The following RASAL2 variants were observed in gnomAD, a reference collection of about 807,000 sequenced individuals.
RASAL2 encodes the protein ras GTPase-activating protein nGAP.
RASAL2 carries 58 observed loss-of-function variants against 128.9 expected under a neutral mutation model. That is an observed-to-expected ratio of 0.45 (90% CI 0.36 to 0.56). RASAL2 has a LOEUF of 0.56. Ranked by LOEUF, RASAL2 falls within the 20% of genes least tolerant of loss-of-function variation. RASAL2 has a pLI of 0.00. For synonymous variants in RASAL2, 561 were observed against 580.8 expected, an observed-to-expected ratio of 0.97 and a Z score of 0.49; for missense variants, 1,360 against 1,601.6, an observed-to-expected ratio of 0.85 and a Z score of 2.57.
chr1:178,105,957 T>G (rs1027078061), intron 1 of RASAL2, among the ~76,000 whole-genome samples: 1 of 152,172 alleles, frequency 6.6e-6, no homozygotes, highest in Non-Finnish European at 1.5e-5. Flanking sequence ...ATTATAGGCA[T>G]GAGCTGCTGT....
At position 178,254,749 on chromosome 1, in the gene RASAL2, A is replaced by C. The variant is rs191849238; in HGVS notation, c.203-28815A>C. On this transcript the variant is annotated intron_variant, in intron 1 of 17. Transcript: ENST00000367649. Reference sequence around the variant, plus strand: ...AGGAGAGAGAGAAAGAAACAGAAAAATATTCAAAGAAACAGTAGCAGAGAA... The same window carrying C: ...AGGAGAGAGAGAAAGAAACAGAAAACTATTCAAAGAAACAGTAGCAGAGAA... Among the ~76,000 whole-genome samples, 139 of 152,326 alleles carry C rather than the reference A, an allele frequency of 9.1e-4. 1 individual carries two copies. The highest frequency in any genetic ancestry group is 3.3e-3 in the African/African-American group (136 of 41,574).
intron 4 of RASAL2, among the ~76,000 whole-genome samples, chr1:178,416,456 A>C (rs1407144707): frequency 6.6e-6 from 1 of 152,070 alleles, no homozygotes; most frequent in Non-Finnish European, 1.5e-5. Flanking sequence ...TATATACATA[A>C]GCATACATAA....
chr1:178,131,901 C>T (rs182448934), intron 1 of RASAL2, among the ~76,000 whole-genome samples: 8 of 152,152 alleles, frequency 5.3e-5, no homozygotes, highest in Non-Finnish European at 1.2e-4. Context: ...TAGTTTTGAA[C>T]ATGGTGCAAC....
chr1:178,395,880 G>A (rs1191413938), intron 4 of RASAL2, among the ~76,000 whole-genome samples: 2 of 150,664 alleles, frequency 1.3e-5, no homozygotes, highest in Admixed American at 1.3e-4. Context: ...AAATCATATA[G>A]CAATCATGGG....
At chr1:178,174,973 C>A (rs1222520922) in intron 1 of RASAL2, among the ~76,000 whole-genome samples, 3 of 152,092 alleles carry the variant, frequency 2.0e-5, no homozygotes, top group African/African-American at 7.2e-5. Flanking sequence ...ACAAGTTTTA[C>A]TGTAATGTAC....
Position 178,094,691 on chromosome 1 carries a change from T to C in RASAL2, c.199T>C (p.Tyr67His). Reference sequence around the variant, plus strand: ...CCAGCAACAGAGCTGGGTCCGGGTGTACGGTAAGGACCACAGGCCGTCTTA... The same window carrying C: ...CCAGCAACAGAGCTGGGTCCGGGTGCACGGTAAGGACCACAGGCCGTCTTA... ...VCQQQSWVRVYDVKGPPTHRL... is the reference protein window; with the variant it reads ...VCQQQSWVRVHDVKGPPTHRL... The change falls in exon 1 of 18, where the codon TAC becomes CAC. Residue 67 changes from tyrosine to histidine, a missense_variant. Physicochemically the swap from Tyr to His is moderately conservative, Grantham distance 83. Around this residue, in one of 3 missense-constraint regions of RASAL2, gnomAD observed 617 missense variants for 714.2 expected, o/e 0.86. Transcript: ENST00000367649. 1 of 1,614,066 alleles carries C rather than the reference T, an allele frequency of 6.2e-7. No homozygotes were observed. The highest frequency in any genetic ancestry group is 1.1e-5 in the South Asian group (1 of 91,078).
chr1:178,164,774 A>G lies in RASAL2; in HGVS notation c.202+70080A>G, dbSNP rs150497419. 1.1e-3 allele frequency among the ~76,000 whole-genome samples: 168 copies of G among 149,004 alleles called. 3 individuals carry two copies. In the East Asian group the frequency reaches 0.031, roughly 28 times the overall value. On this transcript the variant is annotated intron_variant, in intron 1 of 17. Transcript: ENST00000367649. ...TTCACTGATTGTTTTCCATTTCATG[A>G]GACCACAGTTTTAAGTTTTTTAGAA...
chr1:178,108,150 G>C (rs1330539607), intron 1 of RASAL2, among the ~76,000 whole-genome samples: 2 of 152,090 alleles, frequency 1.3e-5, no homozygotes, highest in Non-Finnish European at 2.9e-5. Context: ...ATCCTAGTAG[G>C]TGTGAAGTGA....
chr1:178,190,589 A>T (rs1001027195), intron 1 of RASAL2, among the ~76,000 whole-genome samples: 3 of 152,216 alleles, frequency 2.0e-5, no homozygotes, highest in African/African-American at 7.2e-5. Context: ...ATCTAGCTAG[A>T]ATAAACTACG....
chr1:178,301,614 A>G (rs780901426), intron 3 of RASAL2, among the ~76,000 whole-genome samples: 10 of 151,618 alleles, frequency 6.6e-5, no homozygotes, highest in Non-Finnish European at 1.5e-4. Flanking sequence ...TGTATTTTTA[A>G]TAGAGACAGG....
chr1:178,206,422 G>A (rs541160176), intron 1 of RASAL2, among the ~76,000 whole-genome samples: 21 of 152,316 alleles, frequency 1.4e-4, no homozygotes, highest in African/African-American at 4.8e-4. Flanking sequence ...CTTGACACTT[G>A]CTATGTTATC....
intron 1 of RASAL2, among the ~76,000 whole-genome samples, chr1:178,206,697 C>T (rs1663062887): frequency 1.3e-5 from 2 of 151,916 alleles, no homozygotes; most frequent in East Asian, 3.9e-4. Context: ...TAACAATATA[C>T]CTGAGAAAAG....
chr1:178,221,630 T>A, intron 1 of RASAL2, among the ~76,000 whole-genome samples: 1 of 152,160 alleles, frequency 6.6e-6, no homozygotes, highest in East Asian at 1.9e-4. Flanking sequence ...GCAGACATGG[T>A]ATGATTTCTA....
chr1:178,454,379 AT>A (rs1303658725), intron 11 of RASAL2, 67 bp from the exon 12 acceptor site: 4 of 1,314,362 alleles, frequency 3.0e-6, no homozygotes, highest in Non-Finnish European at 4.3e-6. Flanking sequence ...GTTCTGTGTA[AT>A]GTCAAATCAA....
At chr1:178,208,754 C>A (rs1340332460) in intron 1 of RASAL2, among the ~76,000 whole-genome samples, 2 of 152,124 alleles carry the variant, frequency 1.3e-5, no homozygotes, top group African/African-American at 2.4e-5. Context: ...TGTTATTACA[C>A]CCCCTTCCCT....
chr1:178,108,244 T>C (rs2102237831), intron 1 of RASAL2, among the ~76,000 whole-genome samples: 1 of 152,338 alleles, frequency 6.6e-6, no homozygotes, highest in African/African-American at 2.4e-5. Flanking sequence ...CATTTGTATA[T>C]CTTCTTTGGA....
intron 4 of RASAL2, among the ~76,000 whole-genome samples, chr1:178,396,949 C>G (rs1673275165): frequency 6.6e-6 from 1 of 151,636 alleles, no homozygotes; most frequent in Admixed American, 6.6e-5. Flanking sequence ...AAAATCAAAA[C>G]CACAATGAAA....
At chr1:178,254,976 TG>T (rs774245262) in intron 1 of RASAL2, among the ~76,000 whole-genome samples, 6 of 150,632 alleles carry the variant, frequency 4.0e-5, no homozygotes, top group Non-Finnish European at 8.8e-5. Flanking sequence ...ATCTTCTCTG[TG>T]GGGGAAAAAA....
chr1:178,459,921 A>AT (rs1380242972), intron 14 of RASAL2, among the ~76,000 whole-genome samples: 3 of 152,136 alleles, frequency 2.0e-5, no homozygotes, highest in Non-Finnish European at 4.4e-5. Context: ...TATCATATGT[A>AT]TTTTTTATAT....
Sources: allele counts gnomAD v4.1 joint callset (sites outside exome capture counted in the v4.1 genomes callset), GRCh38; gene constraint gnomAD v4.1.1; regional missense constraint gnomAD v4.1.1; transcripts MANE v1.5; gene names NCBI Gene and HGNC (gene_info 2026-07-23, HGNC 2026-07-21).